PCDHGB2: variants seen among roughly 807,000 people sequenced by gnomAD.
PCDHGB2 encodes protocadherin gamma-B2.
PCDHGB2 carries 55 observed loss-of-function variants against 59.3 expected under a neutral mutation model. The observed-to-expected ratio is 0.93, with a 90% confidence interval of 0.75 to 1.16. The LOEUF is 1.16. Among genes scored for constraint, PCDHGB2 ranks in the 50% most tolerant of loss-of-function variants. PCDHGB2 has a pLI of 0.00. For missense variants in PCDHGB2, 1,228 were observed against 1,198.5 expected (o/e 1.02, Z -0.36); for synonymous variants, 516 against 512.0 (o/e 1.01, Z -0.11).
In PCDHGB2 at chr5:141,442,072, C is replaced by G. The variant is rs1034351866; in HGVS notation, c.2422-52735C>G. On this transcript the variant is annotated intron_variant, in intron 1 of 3. Transcript: ENST00000522605. ...GTCGCGGTGCACTGCGGTGGACAGC[C>G]GCTCCTCTCGCTACCGCCACGTCAC... 17 of 175,092 alleles carry G rather than the reference C, an allele frequency of 9.7e-5. No homozygotes were observed. The South Asian group carries it at 1.5e-3, about 16-fold the overall frequency. 10.8% of individuals were successfully genotyped at this position (175,092 alleles called of 1,614,324 possible). A position where few individuals can be genotyped will look rare whatever the true frequency, so the allele number is the denominator to read the frequency against.
intron 1 of PCDHGB2, chr5:141,405,384 CA>C: frequency 1.9e-6 from 3 of 1,600,664 alleles, no homozygotes; most frequent in Non-Finnish European, 2.6e-6. Context: ...CCGGTGAGTT[CA>C]TTTTTTTTCT....
intron 1 of PCDHGB2, chr5:141,393,233 A>T (rs756421828): frequency 2.7e-5 from 44 of 1,613,664 alleles, no homozygotes; most frequent in Non-Finnish European, 3.4e-5. Context: ...ATCTAGAAGT[A>T]AAAATTAACG....
chr5:141,432,266 T>G lies in PCDHGB2; in HGVS notation c.2422-62541T>G. ...CACCATCCAAGGGGCAAGCCTATCG[T>G]CCTACGTGTCCATCAACTCCGACAC... On this transcript the variant is annotated intron_variant, in intron 1 of 3. Transcript: ENST00000522605. This position sits in a 1 kb window ranked among gnomAD's most constrained non-coding sequence, Gnocchi z 6.0. The G allele has an allele frequency of 6.2e-7, 1 of 1,614,214 alleles. No individual in the cohort carries two copies. Among genetic ancestry groups the G allele is most frequent in the East Asian group, 2.2e-5 (1 of 44,880 alleles).
intron 1 of PCDHGB2, among the ~76,000 whole-genome samples, chr5:141,482,435 A>G (rs2099559555): frequency 6.6e-6 from 1 of 150,568 alleles, no homozygotes; most frequent in South Asian, 2.1e-4. Flanking sequence ...GATAATACTG[A>G]TATTCACCAT....
chr5:141,465,583 A>G (rs1056902823), intron 1 of PCDHGB2, among the ~76,000 whole-genome samples: 10 of 152,162 alleles, frequency 6.6e-5, no homozygotes, highest in African/African-American at 2.4e-4. Flanking sequence ...ACACTCTCAT[A>G]ATAATCAGAT....
At chr5:141,380,936 C>G (rs905887369) in intron 1 of PCDHGB2, among the ~76,000 whole-genome samples, 1 of 152,194 alleles carries the variant, frequency 6.6e-6, no homozygotes, top group African/African-American at 2.4e-5. Flanking sequence ...ATACACTTTG[C>G]TTGCCTCAAC....
chr5:141,393,526 A>G, intron 1 of PCDHGB2: 3 of 1,613,974 alleles, frequency 1.9e-6, no homozygotes, highest in East Asian at 2.2e-5. Context: ...ACAAATGACA[A>G]TGCCCCGGTT....
At chr5:141,434,453 T>C (rs1172243323) in intron 1 of PCDHGB2, among the ~76,000 whole-genome samples, 1 of 152,226 alleles carries the variant, frequency 6.6e-6, no homozygotes, top group Non-Finnish European at 1.5e-5. Context: ...TGGAAGGTAG[T>C]GGGTTTACCG....
At chr5:141,375,888 C>G in intron 1 of PCDHGB2, 1 of 1,613,818 alleles carries the variant, frequency 6.2e-7, no homozygotes, top group Admixed American at 1.7e-5. Context: ...GGCCAGAACG[C>G]CTGGCTGTCC....
chr5:141,368,754 T>C (rs537893432), intron 1 of PCDHGB2, among the ~76,000 whole-genome samples: 30 of 152,222 alleles, frequency 2.0e-4, no homozygotes, highest in Non-Finnish European at 3.5e-4. Flanking sequence ...TTTAAATATC[T>C]GAATCTTTAG....
rs756464724 is a variant in PCDHGB2, at chr5:141,478,476, A to T, written c.2422-16331A>T. The T allele has an allele frequency of 5.0e-6, 8 of 1,613,838 alleles. 1 individual carries two copies. The South Asian group carries it at 7.7e-5, about 16-fold the overall frequency. The stretch of plus-strand genomic sequence containing the variant: ...GCCAGTCCACTGGCCAGCCGCCAGA[A>T]CACGCTGCGGAGCTGTGATCCGGTG... On this transcript the variant is annotated intron_variant, in intron 1 of 3. Transcript: ENST00000522605.
intron 1 of PCDHGB2, chr5:141,364,858 G>C (rs199575653): frequency 6.2e-7 from 1 of 1,614,006 alleles, no homozygotes; most frequent in African/African-American, 1.3e-5. Context: ...GCTCCAATCT[G>C]CACTTCTCTC....
In PCDHGB2 at chr5:141,510,980, G is replaced by A; in HGVS notation, c.2603G>A (p.Gly868Asp). The change falls in exon 4 of 4, where the codon GGT becomes GAT. Residue 868 changes from glycine (G) to aspartate (D), a missense_variant. Around this residue, in one of 3 missense-constraint regions of PCDHGB2, gnomAD observed 433 missense variants for 441.8 expected, o/e 0.98. Transcript: ENST00000522605. ...AADGSSTLGGGAGTMGLSARY... is the reference protein window; with the variant it reads ...AADGSSTLGGDAGTMGLSARY... ...GATGGGAGCTCCACCCTGGGAGGGG[G>A]TGCCGGCACCATGGGATTGAGCGCC... 1 of 1,614,170 alleles carries A rather than the reference G, an allele frequency of 6.2e-7. No homozygotes were observed.
intron 1 of PCDHGB2, among the ~76,000 whole-genome samples, chr5:141,461,604 T>G (rs1166575574): frequency 6.6e-6 from 1 of 152,228 alleles, no homozygotes; most frequent in Non-Finnish European, 1.5e-5. Context: ...TATAATTTAG[T>G]TCAAAGTATT....
At chr5:141,371,062 G>GGGTAA (rs757228720) in intron 1 of PCDHGB2, 2 of 1,613,974 alleles carry the variant, frequency 1.2e-6, no homozygotes, top group South Asian at 2.2e-5. Flanking sequence ...CCCTCCAGAA[G>GGGTAA]CTGTACCACC....
At chr5:141,404,841 G>C (rs765291212) in intron 1 of PCDHGB2, 4 of 1,613,886 alleles carry the variant, frequency 2.5e-6, no homozygotes, top group African/African-American at 1.3e-5. Context: ...CGCACAGCTC[G>C]GGCCCTGCTA....
intron 1 of PCDHGB2, chr5:141,410,361 G>A: frequency 1.9e-6 from 3 of 1,614,034 alleles, no homozygotes; most frequent in Non-Finnish European, 2.5e-6. Context: ...CGCTCTCTCA[G>A]CCCTGCTACT....
At position 141,423,418 on chromosome 5, in the gene PCDHGB2, G is replaced by T. The variant is rs1236092057; in HGVS notation, c.2421+60862G>T. On this transcript the variant is annotated intron_variant, in intron 1 of 3. Transcript: ENST00000522605. ...GTCACGCCTGCTGCAGGCTTCTGAAGGCGGGTTGGCAGGTATGCCCACGTC... is the reference window on the plus strand; with the variant it reads ...GTCACGCCTGCTGCAGGCTTCTGAATGCGGGTTGGCAGGTATGCCCACGTC... 1.2e-6 allele frequency: 2 copies of T among 1,614,022 alleles called. No individual in the cohort carries two copies. Among genetic ancestry groups the T allele is most frequent in the South Asian group, 1.1e-5 (1 of 91,088 alleles).
rs370264318 is a variant in PCDHGB2, at chr5:141,403,767, G to C, written c.2421+41211G>C. 1.0e-4 allele frequency: 169 copies of C among 1,613,880 alleles called. No homozygotes were observed. In the East Asian group the frequency reaches 1.6e-3, roughly 16 times the overall value. Reference sequence around the variant, plus strand: ...GCAACAGCCAGCGACCTGGATGAGGGAATCAACGGAAAAGTGGCATACAAA... The same window carrying C: ...GCAACAGCCAGCGACCTGGATGAGGCAATCAACGGAAAAGTGGCATACAAA... On this transcript the variant is annotated intron_variant, in intron 1 of 3. Coordinates refer to ENST00000522605, the MANE Select transcript of PCDHGB2 (RefSeq NM_018923.3).
Sources: gnomAD v4.1 joint callset for allele counts (sites outside exome capture counted in the v4.1 genomes callset) on GRCh38, gnomAD v4.1.1 for gene constraint, gnomAD v4.1.1 regional missense constraint, Gnocchi (gnomAD v3.1) non-coding constraint, MANE v1.5 for transcripts, NCBI Gene and HGNC (gene_info 2026-07-23, HGNC 2026-07-21) for gene names.